FAM114A2: variants seen among roughly 807,000 people sequenced by gnomAD.
The protein encoded by FAM114A2 is family with sequence similarity 114 member A2.
FAM114A2 carries 53 observed loss-of-function variants against 58.4 expected under a neutral mutation model. The ratio of observed to expected loss-of-function variants is 0.91; its 90% CI spans 0.73 to 1.14. The LOEUF is 1.14. Ranked by LOEUF, FAM114A2 falls within the 50% of genes most tolerant of loss-of-function variation. The pLI is 0.00. For missense variants in FAM114A2, 601 were observed against 581.1 expected, an observed-to-expected ratio of 1.03 and a Z score of -0.35; for synonymous variants, 228 against 211.4, an observed-to-expected ratio of 1.08 and a Z score of -0.68.
rs1165619800 is a variant in FAM114A2 at position 153,997,989 on chromosome 5, A to C, written c.1257-114T>G. The C allele has an allele frequency of 9.3e-6, 6 of 647,046 alleles. No individual in the cohort carries two copies. In the African/African-American group the frequency reaches 1.1e-4, roughly 12 times the overall value. 40.1% of individuals were successfully genotyped at this position (647,046 alleles called of 1,614,324 possible). On this transcript the variant is annotated intron_variant, in intron 11 of 13. Coordinates refer to ENST00000351797, the MANE Select transcript of FAM114A2 (RefSeq NM_018691.4). ...TTCTGGTACTAAATGTGAAAGAAGA[A>C]AGCTTTTCAAGGGAGTAAATACAGT...
chr5:154,021,912 A>G (rs1771445368), intron 8 of FAM114A2, among the ~76,000 whole-genome samples: 1 of 152,368 alleles, frequency 6.6e-6, no homozygotes, highest in Middle Eastern at 3.4e-3. Context: ...GGCCACAGTA[A>G]CCAAAACAGC....
chr5:154,027,035 T>G, intron 7 of FAM114A2, 141 bp downstream of exon 7: 1 of 607,090 alleles, frequency 1.6e-6, no homozygotes, highest in Non-Finnish European at 2.8e-6. Flanking sequence ...TTTAAATTTA[T>G]TTTGTGGTAG....
chr5:154,002,970 C>T lies in FAM114A2; in HGVS notation c.994-1G>A. The T allele has an allele frequency of 6.2e-7, 1 of 1,613,170 alleles. No homozygotes were observed. The highest frequency in any genetic ancestry group is 8.5e-7 in the Non-Finnish European group (1 of 1,179,660). ...TCCATTCGTGGGCGGTATTTCTTGC[C>T]TAAATAAGAAAAATATTGGCCATCA... On this transcript the variant is annotated splice_acceptor_variant, in intron 9 of 13. Transcript: ENST00000351797. LOFTEE classifies it high-confidence loss of function.
chr5:154,003,209 G>A (rs942344784), intron 9 of FAM114A2, among the ~76,000 whole-genome samples: 14 of 137,388 alleles, frequency 1.0e-4, no homozygotes, highest in African/African-American at 2.5e-4. Context: ...ATGGAATTTC[G>A]CTCTTGTTGC....
intron 9 of FAM114A2, among the ~76,000 whole-genome samples, chr5:154,006,849 T>C (rs1408471894): frequency 2.0e-5 from 3 of 148,938 alleles, no homozygotes; most frequent in Non-Finnish European, 4.4e-5. Flanking sequence ...CAAGCTGGAG[T>C]GCAGTGGCAT....
At chr5:153,996,091 A>C (rs550562937) in intron 12 of FAM114A2, among the ~76,000 whole-genome samples, 21 of 152,332 alleles carry the variant, frequency 1.4e-4, no homozygotes, top group African/African-American at 5.1e-4. Flanking sequence ...CCAAGCAGTC[A>C]AAAAATCTTG....
At chr5:154,028,474 T>C (rs534641938) in intron 5 of FAM114A2, among the ~76,000 whole-genome samples, 191 bp from the exon 6 acceptor site, 6 of 152,324 alleles carry the variant, frequency 3.9e-5, no homozygotes. Context: ...AAACTGTTTG[T>C]CAATATCTAC....
chr5:154,006,302 T>A (rs907205706), intron 9 of FAM114A2, among the ~76,000 whole-genome samples: 10 of 152,148 alleles, frequency 6.6e-5, no homozygotes, highest in African/African-American at 2.4e-4. Flanking sequence ...AATAAGGCAA[T>A]TAGCAAGCAA....
At chr5:154,012,671 C>A (rs1770776540) in intron 8 of FAM114A2, among the ~76,000 whole-genome samples, 1 of 152,164 alleles carries the variant, frequency 6.6e-6, no homozygotes, top group African/African-American at 2.4e-5. Flanking sequence ...ATTTAGTGAT[C>A]TCAGGTATAA....
intron 4 of FAM114A2, among the ~76,000 whole-genome samples, chr5:154,029,906 G>C (rs375813101): frequency 5.9e-4 from 90 of 152,254 alleles, no homozygotes; most frequent in Non-Finnish European, 5.4e-4. Flanking sequence ...TAATTGCTAA[G>C]AACTGAGAGT....
intron 6 of FAM114A2, 29 bp from the exon 7 acceptor site, chr5:154,027,363 A>G (rs764065261): frequency 6.3e-7 from 1 of 1,591,120 alleles, no homozygotes; most frequent in South Asian, 1.1e-5. Flanking sequence ...ATTACACTGT[A>G]GCAAACAATG....
At chr5:154,030,493 CTT>C (rs1772112293) in intron 4 of FAM114A2, among the ~76,000 whole-genome samples, 2 of 152,182 alleles carry the variant, frequency 1.3e-5, no homozygotes, top group Admixed American at 1.3e-4. Flanking sequence ...CAGTACAAGA[CTT>C]CGGTTCACAC....
At chr5:154,022,633 A>G (rs1049693365) in intron 8 of FAM114A2, among the ~76,000 whole-genome samples, 8 of 152,246 alleles carry the variant, frequency 5.3e-5, no homozygotes, top group Admixed American at 5.2e-4. Context: ...AAGTCAGGAC[A>G]CAACAGGTGC....
At chr5:154,023,774 G>A (rs1581817893) in intron 8 of FAM114A2, among the ~76,000 whole-genome samples, 1 of 151,208 alleles carries the variant, frequency 6.6e-6, no homozygotes, top group South Asian at 2.1e-4. Flanking sequence ...GATAACCTAT[G>A]GAAATAAAAA....
rs916579006 is a variant in FAM114A2 at position 154,002,842 on chromosome 5, G to C, written c.1116+5C>G. On this transcript the variant is annotated splice_donor_5th_base_variant and intron_variant, in intron 10 of 13. Transcript: ENST00000351797. Reference sequence around the variant, plus strand: ...AAACAAAAAAGGCTTAGTTGCTTTGGCTACCTCTATTGAATTTTTGTTGAC... The same window carrying C: ...AAACAAAAAAGGCTTAGTTGCTTTGCCTACCTCTATTGAATTTTTGTTGAC... The C allele has an allele frequency of 6.2e-7, 1 of 1,613,870 alleles. No individual in the cohort carries two copies.
intron 8 of FAM114A2, among the ~76,000 whole-genome samples, chr5:154,023,038 A>T (rs1335043953): frequency 2.0e-5 from 3 of 152,230 alleles, no homozygotes; most frequent in Non-Finnish European, 4.4e-5. Context: ...TCACAAGGAC[A>T]GAAAACCAAA....
At chr5:153,999,061 G>GT (rs1393684677) in intron 11 of FAM114A2, among the ~76,000 whole-genome samples, 4 of 152,142 alleles carry the variant, frequency 2.6e-5, no homozygotes, top group Non-Finnish European at 5.9e-5. Context: ...AAAAGTTATA[G>GT]TAACAGTGTG....
intron 8 of FAM114A2, among the ~76,000 whole-genome samples, chr5:154,017,802 G>A (rs958153073): frequency 5.3e-5 from 8 of 152,098 alleles, no homozygotes; most frequent in African/African-American, 9.7e-5. Flanking sequence ...CAAATACATC[G>A]AAATTAAATA....
chr5:154,011,361 G>A, intron 8 of FAM114A2, 41 bp from the exon 9 acceptor site: 1 of 1,412,186 alleles, frequency 7.1e-7, no homozygotes. Context: ...CAGAAAGACT[G>A]CTGAGGATCA....
Sources: allele counts gnomAD v4.1 joint callset (sites outside exome capture counted in the v4.1 genomes callset), GRCh38; gene constraint gnomAD v4.1.1; transcripts MANE v1.5; gene names NCBI Gene and HGNC (gene_info 2026-07-23, HGNC 2026-07-21).